The following MCUB variants were observed in gnomAD, a reference collection of about 807,000 sequenced individuals.
MCUB encodes calcium uniporter regulatory subunit MCUb, mitochondrial.
In MCUB, 46 loss-of-function variants were observed where a neutral mutation model predicts 41.4. That is an observed-to-expected ratio of 1.11 (90% CI 0.88 to 1.42). The LOEUF (loss-of-function observed/expected upper bound fraction) is 1.42. Ranked by LOEUF, MCUB falls within the 40% of genes most tolerant of loss-of-function variation. MCUB has a pLI of 0.00. For synonymous variants in MCUB, 148 were observed against 148.2 expected, an observed-to-expected ratio of 1.00 and a Z score of 0.01; for missense variants, 403 against 404.9, an observed-to-expected ratio of 1.00 and a Z score of 0.04.
chr4:109,648,563 G>A (rs185792706), intron 1 of MCUB: 32 of 421,466 alleles, frequency 7.6e-5, no homozygotes, highest in African/African-American at 6.5e-4. Flanking sequence ...GATGATTCAT[G>A]TAGTACCTGA....
chr4:109,614,402 A>G lies in MCUB; in HGVS notation c.100-44609A>G, dbSNP rs190856327. Among the ~76,000 whole-genome samples the G allele has an allele frequency of 1.8e-4, 28 of 152,200 alleles. No individual in the cohort carries two copies. The East Asian group carries it at 5.2e-3, about 28-fold the overall frequency. On this transcript the variant is annotated intron_variant, in intron 1 of 7. Transcript: ENST00000394650. ...TGAGAAGTAATTAGGTCATGAGGAT[A>G]GAGCTCTCATGGTTGGATTAGTGTC...
chr4:109,605,317 G>A (rs1727844922), intron 1 of MCUB, among the ~76,000 whole-genome samples: 1 of 150,872 alleles, frequency 6.6e-6, no homozygotes, highest in Non-Finnish European at 1.5e-5. Context: ...ATTGTTTATT[G>A]TACACGTGTT....
intron 1 of MCUB, among the ~76,000 whole-genome samples, chr4:109,569,930 T>C (rs1726874621): frequency 6.6e-6 from 1 of 152,118 alleles, no homozygotes; most frequent in Admixed American, 6.6e-5. Context: ...CAGGAAGCAA[T>C]ATAAAGAAGT....
chr4:109,596,830 TAAAC>T (rs1727566817), intron 1 of MCUB, among the ~76,000 whole-genome samples: 1 of 151,178 alleles, frequency 6.6e-6, no homozygotes, highest in Non-Finnish European at 1.5e-5. Context: ...GGTCAGCAGA[TAAAC>T]AAGTGAACAA....
chr4:109,678,323 C>G (rs908972518), intron 4 of MCUB, among the ~76,000 whole-genome samples: 1 of 152,188 alleles, frequency 6.6e-6, no homozygotes, highest in South Asian at 2.1e-4. Context: ...TCTCGATGGT[C>G]GCTGTCTCTT....
intron 1 of MCUB, among the ~76,000 whole-genome samples, chr4:109,634,469 G>A (rs1728545129): frequency 7.1e-6 from 1 of 140,570 alleles, no homozygotes; most frequent in Non-Finnish European, 1.5e-5. Context: ...GGCAACAAGA[G>A]CGAAACTCTG....
chr4:109,648,692 T>G (rs1318298431), intron 1 of MCUB: 3 of 351,986 alleles, frequency 8.5e-6, no homozygotes, highest in South Asian at 2.1e-5. Flanking sequence ...TATAGCAGTT[T>G]GATTTTTTTT....
At chr4:109,574,303 A>G (rs1315336222) in intron 1 of MCUB, among the ~76,000 whole-genome samples, 2 of 152,200 alleles carry the variant, frequency 1.3e-5, no homozygotes, top group African/African-American at 2.4e-5. Flanking sequence ...AGAGCAGAAT[A>G]GGTAGGCAGA....
At chr4:109,620,481 T>G (rs2126135604) in intron 1 of MCUB, among the ~76,000 whole-genome samples, 1 of 149,642 alleles carries the variant, frequency 6.7e-6, no homozygotes, top group South Asian at 2.2e-4. Context: ...AAAGAGCCAT[T>G]TATGAAGAAA....
At chr4:109,567,347 G>GT (rs1439364929) in intron 1 of MCUB, among the ~76,000 whole-genome samples, 1 of 151,940 alleles carries the variant, frequency 6.6e-6, no homozygotes, top group Non-Finnish European at 1.5e-5. Flanking sequence ...AGTCCTTCTT[G>GT]TTTTTTCTGA....
intron 1 of MCUB, among the ~76,000 whole-genome samples, chr4:109,613,745 C>A (rs1480645883): frequency 2.0e-5 from 3 of 152,118 alleles, no homozygotes; most frequent in Non-Finnish European, 4.4e-5. Flanking sequence ...TACCAGGAGG[C>A]AGGATCACTG....
intron 2 of MCUB, 79 bp from the exon 3 acceptor site, chr4:109,660,116 A>C: frequency 1.4e-6 from 1 of 706,786 alleles, no homozygotes; most frequent in Non-Finnish European, 2.4e-6. Flanking sequence ...ATGTTTGAGC[A>C]TTCCTTCTAG....
At chr4:109,620,684 A>T (rs6811858) in intron 1 of MCUB, among the ~76,000 whole-genome samples, 2 of 151,442 alleles carry the variant, frequency 1.3e-5, no homozygotes, top group South Asian at 2.1e-4. Flanking sequence ...TGATGTAAAG[A>T]GACTGGCAGT....
chr4:109,665,364 C>T (rs1729318971), intron 4 of MCUB, among the ~76,000 whole-genome samples: 1 of 152,126 alleles, frequency 6.6e-6, no homozygotes, highest in Admixed American at 6.5e-5. Flanking sequence ...AAGAACCTAA[C>T]TCTTGCTTAT....
chr4:109,627,881 C>T (rs1269994313), intron 1 of MCUB, among the ~76,000 whole-genome samples: 3 of 150,224 alleles, frequency 2.0e-5, no homozygotes, highest in Non-Finnish European at 2.9e-5. Context: ...CCACTGCACT[C>T]CAGTCTAGGT....
At chr4:109,681,449 G>A (rs542083613) in intron 4 of MCUB, 2 of 453,668 alleles carry the variant, frequency 4.4e-6, no homozygotes, top group South Asian at 1.6e-5. Context: ...TGTTACCGGG[G>A]GTCCTTGCTC....
chr4:109,646,065 A>G lies in MCUB; in HGVS notation c.100-12946A>G, dbSNP rs1728829189. Among the ~76,000 whole-genome samples the G allele has an allele frequency of 2.0e-5, 3 of 151,810 alleles. 1 individual carries two copies. In the South Asian group the frequency reaches 6.3e-4, roughly 32 times the overall value. On this transcript the variant is annotated intron_variant, in intron 1 of 7. Coordinates refer to ENST00000394650, the MANE Select transcript of MCUB (RefSeq NM_017918.5). Reference sequence around the variant, plus strand: ...CCATTCATGTGCTCCCCTTAGCCAAACTTTTCAGTTCATCTAGAGTGGCTG... The same window carrying G: ...CCATTCATGTGCTCCCCTTAGCCAAGCTTTTCAGTTCATCTAGAGTGGCTG...
At chr4:109,629,061 G>A (rs1728420736) in intron 1 of MCUB, among the ~76,000 whole-genome samples, 1 of 152,164 alleles carries the variant, frequency 6.6e-6, no homozygotes, top group Non-Finnish European at 1.5e-5. Flanking sequence ...GCGAAATTTA[G>A]ATTATGTTTT....
At chr4:109,582,129 A>C (rs1310222651) in intron 1 of MCUB, among the ~76,000 whole-genome samples, 57 of 152,106 alleles carry the variant, frequency 3.7e-4, no homozygotes, top group Admixed American at 3.7e-3. Context: ...AACCAACCCA[A>C]ATGTCCATCA....
Sources: gnomAD v4.1 joint callset for allele counts (sites outside exome capture counted in the v4.1 genomes callset) on GRCh38, gnomAD v4.1.1 for gene constraint, MANE v1.5 for transcripts, NCBI Gene and HGNC (gene_info 2026-07-23, HGNC 2026-07-21) for gene names.